The following FAM178B variants were observed in gnomAD, a reference collection of about 807,000 sequenced individuals.
FAM178B encodes family with sequence similarity 178 member B.
FAM178B carries 82 observed loss-of-function variants against 91.7 expected under a neutral mutation model. The ratio of observed to expected loss-of-function variants is 0.89; its 90% CI spans 0.75 to 1.07. The LOEUF (loss-of-function observed/expected upper bound fraction) is 1.07, where lower values mean the gene tolerates loss of function less well. FAM178B is among the 50% of genes least tolerant of loss of function. FAM178B has a pLI of 0.00. For synonymous variants in FAM178B, 368 were observed against 359.4 expected (o/e 1.02, Z -0.27); for missense variants, 769 against 846.7 (o/e 0.91, Z 1.14).
chr2:96,901,313 C>T (rs1442532986), intron 13 of FAM178B, among the ~76,000 whole-genome samples: 1 of 151,800 alleles, frequency 6.6e-6, no homozygotes, highest in East Asian at 1.9e-4. Flanking sequence ...GCTGGGATTA[C>T]AGGCGCCTGC....
intron 10 of FAM178B, 71 bp from the exon 11 acceptor site, chr2:96,921,725 C>T: frequency 6.9e-7 from 1 of 1,454,616 alleles, no homozygotes; most frequent in African/African-American, 1.4e-5. Context: ...GGACCAGTTC[C>T]CTGGGAGACA....
intron 12 of FAM178B, among the ~76,000 whole-genome samples, chr2:96,905,645 T>C (rs1037057196): frequency 2.0e-5 from 3 of 149,216 alleles, no homozygotes; most frequent in African/African-American, 7.4e-5. Flanking sequence ...AAATATAAGA[T>C]GCCCAGTTAA....
chr2:96,926,476 T>C (rs2081440526), intron 9 of FAM178B, among the ~76,000 whole-genome samples: 1 of 152,138 alleles, frequency 6.6e-6, no homozygotes, highest in Non-Finnish European at 1.5e-5. Flanking sequence ...AAGACCTCCT[T>C]TGTGCTCCTG....
At chr2:96,939,993 AT>A (rs1439242513) in intron 8 of FAM178B, among the ~76,000 whole-genome samples, 1 of 152,206 alleles carries the variant, frequency 6.6e-6, no homozygotes, top group African/African-American at 2.4e-5. Flanking sequence ...TCAAATTCTA[AT>A]TGGAGACTTT....
intron 13 of FAM178B, among the ~76,000 whole-genome samples, chr2:96,901,433 C>G (rs1428621198): frequency 6.6e-6 from 1 of 152,170 alleles, no homozygotes; most frequent in African/African-American, 2.4e-5. Flanking sequence ...CTCGGCCTCC[C>G]AAAGTGCTGG....
chr2:96,962,976 A>G (rs1283383071), intron 5 of FAM178B, among the ~76,000 whole-genome samples: 1 of 152,230 alleles, frequency 6.6e-6, no homozygotes, highest in Non-Finnish European at 1.5e-5. Flanking sequence ...AGAAAGCTGA[A>G]CAGTCCCATC....
chr2:96,944,241 CAAAAAAAAA>C, intron 8 of FAM178B, among the ~76,000 whole-genome samples: 1 of 56,960 alleles, frequency 1.8e-5, no homozygotes, highest in African/African-American at 5.1e-5. Context: ...GACTCCATCT[CAAAAAAAAA>C]AAAAAAAAAA....
rs148063108 is a variant in FAM178B at position 96,887,591 on chromosome 2, G to A, written c.1776+6335C>T. Among the ~76,000 whole-genome samples the A allele has an allele frequency of 1.4e-3, 214 of 152,348 alleles. 3 individuals are homozygous for A. Among genetic ancestry groups the A allele is most frequent in the Middle Eastern group, 6.8e-3 (2 of 294 alleles). ...CGTTGAGAACAGAGCGTTTCTGGGA[G>A]AGCATCACTGCTTGGATTCAAATGT... On this transcript the variant is annotated intron_variant, in intron 14 of 16. Coordinates refer to ENST00000490605, the MANE Select transcript of FAM178B (RefSeq NM_001122646.3).
chr2:96,958,869 T>C (rs2082040600), intron 6 of FAM178B, among the ~76,000 whole-genome samples: 1 of 151,982 alleles, frequency 6.6e-6, no homozygotes, highest in Admixed American at 6.6e-5. Flanking sequence ...GAAGTATTTG[T>C]AGATTAAATT....
intron 13 of FAM178B, among the ~76,000 whole-genome samples, chr2:96,898,942 C>T (rs982818323): frequency 1.9e-4 from 29 of 152,332 alleles, no homozygotes; most frequent in African/African-American, 6.5e-4. Flanking sequence ...CACTGGCAAG[C>T]CCCGTGGAGG....
At chr2:96,927,507 G>A (rs1048171589) in intron 9 of FAM178B, among the ~76,000 whole-genome samples, 1 of 152,216 alleles carries the variant, frequency 6.6e-6, no homozygotes, top group African/African-American at 2.4e-5. Context: ...CCCTGGGCCC[G>A]ATCTAGGACA....
At chr2:96,972,896 C>A (rs942659560) in intron 1 of FAM178B, among the ~76,000 whole-genome samples, 1 of 151,980 alleles carries the variant, frequency 6.6e-6, no homozygotes, top group Non-Finnish European at 1.5e-5. Flanking sequence ...TGGCTCACTG[C>A]AACCTCTGCC....
rs1445046616 is a variant in FAM178B at position 96,876,048 on chromosome 2, G to A, written c.*228C>T. 6 of 573,114 alleles carry A rather than the reference G, an allele frequency of 1.0e-5. No homozygotes were observed. The highest frequency in any genetic ancestry group is 1.9e-5 in the Non-Finnish European group (6 of 320,140). The allele number at this position is 573,114 out of a possible 1,614,324, so 35.5% of individuals were successfully genotyped here. A position where few individuals can be genotyped will look rare whatever the true frequency, so the allele number is the denominator to read the frequency against. On this transcript the variant is annotated 3_prime_UTR_variant, in exon 17 of 17. Transcript: ENST00000490605. ...GGAGGAGGGCTGAGGGGTGGGCGAG[G>A]CAGAGAGGCCCATCCCTTGCTGAGA...
intron 5 of FAM178B, among the ~76,000 whole-genome samples, chr2:96,966,460 T>C (rs1007106124): frequency 6.6e-6 from 1 of 152,118 alleles, no homozygotes; most frequent in Non-Finnish European, 1.5e-5. Context: ...ACAACTTCAC[T>C]GATCTTATTT....
intron 12 of FAM178B, among the ~76,000 whole-genome samples, chr2:96,907,552 C>T (rs1486566494): frequency 1.3e-5 from 2 of 152,248 alleles, no homozygotes; most frequent in Admixed American, 1.3e-4. Context: ...CCAGGCTAGG[C>T]CAGGCCAGCT....
At chr2:96,888,607 C>T (rs916971374) in intron 14 of FAM178B, among the ~76,000 whole-genome samples, 10 of 152,198 alleles carry the variant, frequency 6.6e-5, no homozygotes, top group African/African-American at 1.2e-4. Flanking sequence ...CCCATTAAGG[C>T]GGCCCTTGGC....
chr2:96,948,532 A>T (rs1056448111), intron 7 of FAM178B, among the ~76,000 whole-genome samples: 1 of 152,242 alleles, frequency 6.6e-6, no homozygotes, highest in Non-Finnish European at 1.5e-5. Context: ...CAAGGGAATA[A>T]GCAATGGGAC....
rs564008248 is a variant in FAM178B at position 96,972,655 on chromosome 2, A to C, written c.74-49T>G. Reference sequence around the variant, plus strand: ...CAGGTGAACCTCCAGAAGAAAGCTAAAGGTTCTAAACCCCGTGATTCCCAC... The same window carrying C: ...CAGGTGAACCTCCAGAAGAAAGCTACAGGTTCTAAACCCCGTGATTCCCAC... On this transcript the variant is annotated intron_variant, in intron 1 of 16. Coordinates refer to ENST00000490605, the MANE Select transcript of FAM178B (RefSeq NM_001122646.3). 4.0e-4 allele frequency: 600 copies of C among 1,511,580 alleles called. 2 individuals carry two copies. The highest frequency in any genetic ancestry group is 1.2e-3 in the South Asian group (102 of 83,412). 93.6% of individuals were successfully genotyped at this position (1,511,580 alleles called of 1,614,324 possible).
At chr2:96,980,190 C>G (rs2082344221) in intron 1 of FAM178B, among the ~76,000 whole-genome samples, 1 of 150,946 alleles carries the variant, frequency 6.6e-6, no homozygotes, top group South Asian at 2.1e-4. Context: ...ATTCTCATGC[C>G]TCAGCTTCCC....
Sources: allele counts gnomAD v4.1 joint callset (sites outside exome capture counted in the v4.1 genomes callset), GRCh38; gene constraint gnomAD v4.1.1; transcripts MANE v1.5; gene names NCBI Gene and HGNC (gene_info 2026-07-23, HGNC 2026-07-21).